The following DACH2 variants were observed in gnomAD, a reference collection of about 807,000 sequenced individuals.
DACH2 encodes dachshund homolog 2.
A neutral mutation model predicts 35.8 loss-of-function variants in DACH2; 17 were observed. The observed-to-expected ratio is 0.48, with a 90% CI of 0.33 to 0.71. The LOEUF (loss-of-function observed/expected upper bound fraction) is 0.71. Among genes scored for constraint, DACH2 ranks in the 30% least tolerant of loss-of-function variants. The probability of loss-of-function intolerance (pLI) is 0.02; values close to 1 mark genes in which losing one functional copy is unlikely to be tolerated. For missense variants in DACH2, 469 were observed against 472.7 expected (o/e 0.99, Z 0.07); for synonymous variants, 195 against 177.3 (o/e 1.10, Z -0.79).
intron 3 of DACH2, among the ~76,000 whole-genome samples, chrX:86,599,687 G>A (rs1007966966): frequency 9.1e-6 from 1 of 109,578 alleles, no homozygotes; most frequent in African/African-American, 3.3e-5. Flanking sequence ...GGTAGAGACG[G>A]GTTTTGCCAT....
chrX:86,258,570 C>T (rs975096851), intron 1 of DACH2, among the ~76,000 whole-genome samples: 3 of 111,197 alleles, frequency 2.7e-5, no homozygotes, highest in East Asian at 2.8e-4. Flanking sequence ...TGAAATTATG[C>T]GTTATGCTTT....
chrX:86,422,876 A>G (rs1212204114), intron 2 of DACH2, among the ~76,000 whole-genome samples: 1 of 110,573 alleles, frequency 9.0e-6, no homozygotes. Context: ...CATGAGTTCA[A>G]TTGTTTTGAT....
At chrX:86,777,593 A>T (rs1422460498) in intron 7 of DACH2, among the ~76,000 whole-genome samples, 1 of 111,621 alleles carries the variant, frequency 9.0e-6, no homozygotes, top group Non-Finnish European at 1.9e-5. Context: ...ACAAATAAAT[A>T]TATATTTTCT....
intron 3 of DACH2, among the ~76,000 whole-genome samples, chrX:86,632,558 C>A (rs1001743349): frequency 9.2e-6 from 1 of 109,060 alleles, no homozygotes; most frequent in African/African-American, 3.3e-5. Context: ...ATGTTGAATT[C>A]TAAGTTAAGA....
chrX:86,434,656 G>A (rs1429600524), intron 2 of DACH2, among the ~76,000 whole-genome samples: 1 of 111,849 alleles, frequency 8.9e-6, no homozygotes, highest in Non-Finnish European at 1.9e-5. Context: ...ATCCATAGAA[G>A]ATTCTTTTTT....
intron 2 of DACH2, among the ~76,000 whole-genome samples, chrX:86,409,764 A>T (rs2036581371): frequency 8.9e-6 from 1 of 112,236 alleles, no homozygotes; most frequent in African/African-American, 3.2e-5. Flanking sequence ...CAGATATACA[A>T]AGGATCATAT....
intron 1 of DACH2, among the ~76,000 whole-genome samples, chrX:86,281,066 C>T (rs1259627501): frequency 9.0e-6 from 1 of 111,439 alleles, no homozygotes; most frequent in Non-Finnish European, 1.9e-5. Flanking sequence ...CAAGGATATT[C>T]AGGCCTTGAA....
At chrX:86,536,554 G>A (rs980594094) in intron 3 of DACH2, among the ~76,000 whole-genome samples, 4 of 110,944 alleles carry the variant, frequency 3.6e-5, no homozygotes, top group African/African-American at 1.3e-4. Flanking sequence ...AAAAACCTTG[G>A]CTTCTACAAC....
chrX:86,617,977 A>T (rs1270069862), intron 3 of DACH2, among the ~76,000 whole-genome samples: 1 of 112,462 alleles, frequency 8.9e-6, no homozygotes, highest in African/African-American at 3.2e-5. Context: ...GAAATAATTT[A>T]TATTAAAGAA....
chrX:86,371,853 G>T (rs2035891355), intron 1 of DACH2, among the ~76,000 whole-genome samples: 1 of 111,327 alleles, frequency 9.0e-6, no homozygotes, highest in African/African-American at 3.3e-5. Flanking sequence ...ATCTCCTACT[G>T]ATGATGTCTG....
chrX:86,496,609 A>G (rs1460852484), intron 2 of DACH2, among the ~76,000 whole-genome samples: 1 of 110,617 alleles, frequency 9.0e-6, no homozygotes, highest in Non-Finnish European at 1.9e-5. Flanking sequence ...GAGAATTGTT[A>G]TGATCACCCT....
At chrX:86,206,665 C>T (rs193182565) in intron 1 of DACH2, among the ~76,000 whole-genome samples, 1 of 112,005 alleles carries the variant, frequency 8.9e-6, no homozygotes, top group East Asian at 2.8e-4. Flanking sequence ...GTCATTTAGC[C>T]TTGCTAAATC....
chrX:86,658,174 C>T (rs1300909138), intron 4 of DACH2, among the ~76,000 whole-genome samples: 2 of 111,466 alleles, frequency 1.8e-5, no homozygotes, highest in Non-Finnish European at 3.8e-5. Flanking sequence ...TACTTCATGA[C>T]CTAAGGAAAT....
chrX:86,449,693 A>T (rs1286404742), intron 2 of DACH2, among the ~76,000 whole-genome samples: 1 of 111,246 alleles, frequency 9.0e-6, no homozygotes, highest in Non-Finnish European at 1.9e-5. Flanking sequence ...CATGAGGCTT[A>T]TAAAAAACAT....
intron 5 of DACH2, among the ~76,000 whole-genome samples, chrX:86,701,518 A>C (rs1334950867): frequency 8.9e-6 from 1 of 111,831 alleles, no homozygotes; most frequent in African/African-American, 3.3e-5. Flanking sequence ...CAGAGCAATC[A>C]GGCAGGGGGA....
At chrX:86,293,025 G>C (rs1295889329) in intron 1 of DACH2, among the ~76,000 whole-genome samples, 1 of 96,809 alleles carries the variant, frequency 1.0e-5, no homozygotes, top group African/African-American at 4.0e-5. Context: ...TGACAGTGGG[G>C]TGTTAAAGTC....
At chrX:86,412,883 C>A (rs764393969) in intron 2 of DACH2, among the ~76,000 whole-genome samples, 117 of 111,458 alleles carry the variant, frequency 1.0e-3, no homozygotes, top group African/African-American at 3.6e-3. Context: ...GGTCCCCACT[C>A]AAAACTGGCA....
chrX:86,299,632 C>A (rs2034535878), intron 1 of DACH2, among the ~76,000 whole-genome samples: 1 of 111,610 alleles, frequency 9.0e-6, no homozygotes, highest in East Asian at 2.8e-4. Flanking sequence ...TGACTACCAC[C>A]CAAAATTTGT....
chrX:86,636,983 C>A (rs1161206716), intron 3 of DACH2, among the ~76,000 whole-genome samples: 1 of 87,504 alleles, frequency 1.1e-5, no homozygotes, highest in Non-Finnish European at 2.2e-5. Context: ...AAATATCCAG[C>A]ATCTATAATA....
Sources: gnomAD v4.1 joint callset for allele counts (sites outside exome capture counted in the v4.1 genomes callset) on GRCh38, gnomAD v4.1.1 for gene constraint, MANE v1.5 for transcripts, NCBI Gene and HGNC (gene_info 2026-07-23, HGNC 2026-07-21) for gene names.